RP1: variants seen among roughly 807,000 people sequenced by gnomAD.
The protein encoded by RP1 is oxygen-regulated protein 1.
A neutral mutation model predicts 14.8 loss-of-function variants in RP1; 16 were observed. That is an observed-to-expected ratio of 1.08 (90% CI 0.73 to 1.65). The LOEUF is 1.65. RP1 is among the 40% of genes most tolerant of loss of function. The probability of loss-of-function intolerance (pLI) is 0.00; values close to 1 mark genes in which losing one functional copy is unlikely to be tolerated. For synonymous variants in RP1, 876 were observed against 883.6 expected (o/e 0.99, Z 0.15); for missense variants, 2,631 against 2,535.0 (o/e 1.04, Z -0.81).
intron 6 of RP1, among the ~76,000 whole-genome samples, chr8:54,656,577 A>T (rs1443632631): frequency 1.3e-5 from 2 of 151,998 alleles, no homozygotes; most frequent in Non-Finnish European, 1.5e-5. Context: ...CTCATTTTTG[A>T]AAATTTATCT....
At chr8:54,599,249 G>T (rs1805217263) in intron 1 of RP1, among the ~76,000 whole-genome samples, 1 of 151,888 alleles carries the variant, frequency 6.6e-6, no homozygotes, top group African/African-American at 2.4e-5. Flanking sequence ...CACTCATTGT[G>T]TTTTAAAATT....
intron 19 of RP1, among the ~76,000 whole-genome samples, chr8:54,742,236 T>A (rs183427508): frequency 6.6e-6 from 1 of 152,238 alleles, no homozygotes; most frequent in Non-Finnish European, 1.5e-5. Context: ...AAATACTATA[T>A]CTGTCACTGG....
At chr8:54,719,743 T>C (rs1808490276) in intron 15 of RP1, among the ~76,000 whole-genome samples, 1 of 152,198 alleles carries the variant, frequency 6.6e-6, no homozygotes, top group African/African-American at 2.4e-5. Context: ...TAAATTGACT[T>C]ATGGTAAGAA....
intron 19 of RP1, among the ~76,000 whole-genome samples, chr8:54,747,823 G>A (rs1809265167): frequency 1.3e-5 from 2 of 152,160 alleles, no homozygotes; most frequent in Non-Finnish European, 2.9e-5. Context: ...GGGAGACCCT[G>A]TTTCATATAT....
rs367852198 is a variant in RP1, at chr8:54,629,622, T to C, written c.5740T>C (p.Cys1914Arg). The C allele has an allele frequency of 6.2e-7, 1 of 1,613,864 alleles. No individual in the cohort carries two copies. Among genetic ancestry groups the C allele is most frequent in the African/African-American group, 1.3e-5 (1 of 74,914 alleles). The change falls in exon 4 of 4, where the codon TGT (cysteine) becomes CGT (arginine). Residue 1914 changes from cysteine (C) to arginine (R), a missense_variant. By Grantham distance (180) the Cys-to-Arg change is radical (BLOSUM62 -3). Coordinates refer to ENST00000220676, the MANE Select transcript of RP1 (RefSeq NM_006269.2). ...ADSLDKLYAL[C>R]GQHCPILTVI... ...CTCTTTGGATAAACTGTATGCTCTT[T>C]GTGGTCAACATTGCCCAATACTAAC...
At chr8:54,611,028 T>C (rs546648755) in intron 1 of RP1, among the ~76,000 whole-genome samples, 113 of 152,330 alleles carry the variant, frequency 7.4e-4, no homozygotes, top group African/African-American at 2.4e-3. Flanking sequence ...GGCTGGCAGT[T>C]CTTTTCCCTT....
At chr8:54,585,670 A>G (rs971502447) in intron 1 of RP1, among the ~76,000 whole-genome samples, 2 of 152,184 alleles carry the variant, frequency 1.3e-5, no homozygotes, top group Admixed American at 6.5e-5. Context: ...ACATAGTCCT[A>G]TATTTCTTGG....
chr8:54,709,780 C>T (rs902793010), intron 15 of RP1, among the ~76,000 whole-genome samples: 6 of 152,178 alleles, frequency 3.9e-5, no homozygotes, highest in Non-Finnish European at 7.3e-5. Context: ...GAAGGCAACA[C>T]ATGTGTGTAA....
At chr8:54,569,262 C>A (rs902302658) in intron 1 of RP1, among the ~76,000 whole-genome samples, 3 of 152,174 alleles carry the variant, frequency 2.0e-5, no homozygotes, top group African/African-American at 7.2e-5. Context: ...GACCGAGAGG[C>A]CTTCTCAGTG....
intron 1 of RP1, among the ~76,000 whole-genome samples, chr8:54,600,793 G>C (rs1805262655): frequency 6.6e-6 from 1 of 152,172 alleles, no homozygotes; most frequent in Admixed American, 6.5e-5. Flanking sequence ...TGGCCAGAGA[G>C]AGGTGACTTT....
chr8:54,698,884 A>G (rs1033625237), intron 12 of RP1, among the ~76,000 whole-genome samples: 1 of 151,776 alleles, frequency 6.6e-6, no homozygotes, highest in South Asian at 2.1e-4. Context: ...ATCAAGGCCT[A>G]TCGGGGGTTG....
At chr8:54,706,485 C>T (rs1200053236) in exon 15 of RP1, 6 of 1,535,862 alleles carry the variant, frequency 3.9e-6, no homozygotes, top group Non-Finnish European at 5.2e-6. Context: ...TGCTACAAGC[C>T]TGTGTCAGGC....
chr8:54,601,851 C>G lies in RP1; in HGVS notation c.-12-19104C>G, dbSNP rs146434944. Among the ~76,000 whole-genome samples, 21 of 152,296 alleles carry G rather than the reference C, an allele frequency of 1.4e-4. No homozygotes were observed. In the East Asian group the frequency reaches 3.5e-3, roughly 25 times the overall value. ...CCATAAAAGATCACATATGGCATGA[C>G]TCCATTTATATGAAATGTTCAAAAT... On this transcript the variant is annotated intron_variant, in intron 1 of 22. Coordinates refer to the RP1 transcript ENST00000636932.
At chr8:54,843,052 G>A (rs1057042117) in intron 25 of RP1, among the ~76,000 whole-genome samples, 5 of 151,928 alleles carry the variant, frequency 3.3e-5, no homozygotes, top group Admixed American at 6.6e-5. Context: ...CGGCTCAGAC[G>A]TACTTCTTTT....
intron 1 of RP1, among the ~76,000 whole-genome samples, chr8:54,563,698 A>T (rs1804338167): frequency 6.6e-6 from 1 of 152,012 alleles, no homozygotes; most frequent in Non-Finnish European, 1.5e-5. Flanking sequence ...GTTGTACCCC[A>T]CTGTGCCTGA....
chr8:54,801,242 C>G (rs933377672), intron 24 of RP1, among the ~76,000 whole-genome samples: 2 of 152,168 alleles, frequency 1.3e-5, no homozygotes, highest in African/African-American at 2.4e-5. Context: ...CAGCTCACAG[C>G]TGTATTCCAC....
At chr8:54,774,981 TG>T (rs1809997734) in intron 23 of RP1, among the ~76,000 whole-genome samples, 1 of 151,984 alleles carries the variant, frequency 6.6e-6, no homozygotes, top group Non-Finnish European at 1.5e-5. Context: ...CTTTTTGTTG[TG>T]GGGGACTGTC....
intron 1 of RP1, chr8:54,560,847 AT>A (rs1804270796): frequency 6.6e-6 from 1 of 151,794 alleles, no homozygotes. Flanking sequence ...CCTGCAGCAC[AT>A]TTAGGGCCAT....
At chr8:54,673,854 A>G in exon 8 of RP1, 1 of 1,535,732 alleles carries the variant, frequency 6.5e-7, no homozygotes, top group South Asian at 1.2e-5. Context: ...TTATAGACTG[A>G]CACCTTTTTC....
Sources: allele counts gnomAD v4.1 joint callset (sites outside exome capture counted in the v4.1 genomes callset), GRCh38; gene constraint gnomAD v4.1.1; transcripts MANE v1.5; gene names NCBI Gene and HGNC (gene_info 2026-07-23, HGNC 2026-07-21).